The following BMPER variants were observed in gnomAD, a reference collection of about 807,000 sequenced individuals.
BMPER encodes the protein BMP-binding endothelial regulator protein.
BMPER carries 45 observed loss-of-function variants against 87.3 expected under a neutral mutation model. The observed-to-expected ratio is 0.52, with a 90% confidence interval of 0.41 to 0.66. BMPER has a LOEUF of 0.66. Among genes scored for constraint, BMPER ranks in the 30% least tolerant of loss-of-function variants. The pLI, the probability that BMPER is intolerant of heterozygous loss-of-function variation, is 0.00. For missense variants in BMPER, 784 were observed against 867.5 expected (o/e 0.90, Z 1.21); for synonymous variants, 326 against 316.2 (o/e 1.03, Z -0.33).
chr7:34,141,266 A>G (rs978676039), intron 13 of BMPER, among the ~76,000 whole-genome samples: 1 of 152,068 alleles, frequency 6.6e-6, no homozygotes, highest in African/African-American at 2.4e-5. Context: ...TTTGCTAGTG[A>G]AGGTGATTTC....
intron 12 of BMPER, among the ~76,000 whole-genome samples, chr7:34,082,825 A>G (rs1789089922): frequency 6.6e-6 from 1 of 152,222 alleles, no homozygotes; most frequent in Non-Finnish European, 1.5e-5. Flanking sequence ...TGTGGTACTT[A>G]GAAGAACAGT....
At chr7:33,920,337 T>G (rs2128604266) in intron 2 of BMPER, among the ~76,000 whole-genome samples, 2 of 151,568 alleles carry the variant, frequency 1.3e-5, no homozygotes, top group Middle Eastern at 6.9e-3. Context: ...GGCTAAAAAA[T>G]GCAGATTTCC....
At chr7:34,070,959 T>G (rs1352907700) in intron 11 of BMPER, among the ~76,000 whole-genome samples, 1 of 152,032 alleles carries the variant, frequency 6.6e-6, no homozygotes, top group Non-Finnish European at 1.5e-5. Context: ...CTCAGGCCAA[T>G]TTATTTAGAC....
Position 33,966,542 on chromosome 7 carries a change from G to C in BMPER, c.383G>C (p.Cys128Ser). ...AAATGGCAGAGCCCGGCTGAGCCTT[G>C]TGTTCTACGCCAGTGCCAGGTAAAG... ...SFKWQSPAEPCVLRQCQEGVV... is the reference protein window; with the variant it reads ...SFKWQSPAEPSVLRQCQEGVV... Residue 128 changes from cysteine to serine, a missense_variant, in exon 4 of 15, where the codon TGT becomes TCT. Physicochemically the swap from Cys to Ser is moderately radical, Grantham distance 112 (BLOSUM62 -1). Transcript: ENST00000649409. 1 of 1,613,774 alleles carries C rather than the reference G, an allele frequency of 6.2e-7. No homozygotes were observed. The highest frequency in any genetic ancestry group is 8.5e-7 in the Non-Finnish European group (1 of 1,179,744).
chr7:34,022,193 A>C (rs1430463435), intron 6 of BMPER, among the ~76,000 whole-genome samples: 1 of 152,028 alleles, frequency 6.6e-6, no homozygotes, highest in African/African-American at 2.4e-5. Flanking sequence ...AAGCTGCTTT[A>C]ATTTGGAAAA....
chr7:33,968,386 C>T (rs1785457177), intron 4 of BMPER, among the ~76,000 whole-genome samples: 1 of 152,176 alleles, frequency 6.6e-6, no homozygotes, highest in Non-Finnish European at 1.5e-5. Context: ...TCTTGGAATG[C>T]AGGAAATTAC....
intron 2 of BMPER, among the ~76,000 whole-genome samples, chr7:33,920,011 T>G (rs1784180715): frequency 6.6e-6 from 1 of 152,148 alleles, no homozygotes; most frequent in African/African-American, 2.4e-5. Flanking sequence ...CCTCTATCAT[T>G]AGAATCTTAG....
At chr7:33,913,960 A>ATTTT (rs59183615) in intron 2 of BMPER, among the ~76,000 whole-genome samples, 1 of 134,298 alleles carries the variant, frequency 7.4e-6, no homozygotes, top group Non-Finnish European at 1.6e-5. Flanking sequence ...TTTTAGCACA[A>ATTTT]TTTTTTTTTT....
intron 6 of BMPER, among the ~76,000 whole-genome samples, chr7:34,015,376 G>A (rs537899441): frequency 6.6e-5 from 10 of 152,048 alleles, no homozygotes; most frequent in African/African-American, 1.9e-4. Flanking sequence ...AACCTAATAC[G>A]AAGTAAAATG....
At chr7:34,025,250 T>C (rs1369619482) in intron 6 of BMPER, among the ~76,000 whole-genome samples, 4 of 152,106 alleles carry the variant, frequency 2.6e-5, no homozygotes, top group Admixed American at 2.6e-4. Context: ...TTAAATGATA[T>C]CTGAATTGCT....
chr7:33,990,556 T>C (rs1310720749), intron 6 of BMPER, among the ~76,000 whole-genome samples: 4 of 151,386 alleles, frequency 2.6e-5, no homozygotes, highest in Admixed American at 1.3e-4. Flanking sequence ...TCATGTCATC[T>C]GCAAACAGGG....
intron 4 of BMPER, among the ~76,000 whole-genome samples, chr7:33,968,435 C>T (rs1011193686): frequency 3.3e-5 from 5 of 152,186 alleles, no homozygotes; most frequent in Non-Finnish European, 5.9e-5. Context: ...TCTTGCTTCT[C>T]TGCAGAATGG....
intron 13 of BMPER, among the ~76,000 whole-genome samples, chr7:34,112,088 G>T (rs1370068311): frequency 6.6e-6 from 1 of 152,118 alleles, no homozygotes; most frequent in East Asian, 1.9e-4. Context: ...TAAAATTTTA[G>T]GGGAGTTTAC....
In BMPER at chr7:33,970,432, G is replaced by A. The variant is rs1391292891; in HGVS notation, c.493+13G>A. On this transcript the variant is annotated intron_variant, in intron 5 of 14. Transcript: ENST00000649409. ...CCCACATGTCCAGGTAACGTTCTCA[G>A]GAAGGGGAGGCTGGAAATCTCTGTG... 1 of 1,610,828 alleles carries A rather than the reference G, an allele frequency of 6.2e-7. No individual in the cohort carries two copies. Among genetic ancestry groups the A allele is most frequent in the Non-Finnish European group, 8.5e-7 (1 of 1,177,026 alleles).
Position 34,046,287 on chromosome 7 carries a change from T to A in BMPER, c.577-19T>A. ...CACTTACTTTTCTAAATATGCTTTT[T>A]TTTTCTCTCTTTTCTTAGGGAGGCA... is the stretch of plus-strand genomic sequence containing the variant. On this transcript the variant is annotated intron_variant, in intron 6 of 14. Coordinates refer to ENST00000649409, the MANE Select transcript of BMPER (RefSeq NM_001365308.1). 1.2e-6 allele frequency: 2 copies of A among 1,608,320 alleles called. No individual in the cohort carries two copies. The highest frequency in any genetic ancestry group is 2.2e-5 in the South Asian group (2 of 90,954).
At position 34,129,614 on chromosome 7, in the gene BMPER, GAGAGAGAGAGAAAGAGAGAAAGAAAGAA is replaced by G. The variant is rs1790510186; in HGVS notation, c.1746-13612_1746-13585del. On this transcript the variant is annotated intron_variant, in intron 13 of 14. Transcript: ENST00000649409. ...AGAGAGAGAGAGAGAGAGAGAAAGA[GAGAGAGAGAGAAAGAGAGAAAGAAAGAA>G]AGAAAGAAAGAAAGAAAGAAAGAAA... 4.7e-4 allele frequency among the ~76,000 whole-genome samples: 23 copies of G among 48,850 alleles called. No individual in the cohort carries two copies. The South Asian group carries it at 0.016, about 35-fold the overall frequency. The allele number at this position is 48,850 out of a possible 152,430, so 32.0% of individuals were successfully genotyped here. A position where few individuals can be genotyped will look rare whatever the true frequency, so the allele number is the denominator to read the frequency against.
intron 2 of BMPER, among the ~76,000 whole-genome samples, chr7:33,934,651 G>T (rs1033576278): frequency 6.6e-6 from 1 of 152,162 alleles, no homozygotes; most frequent in Admixed American, 6.5e-5. Context: ...TGGCTCCCAG[G>T]TTTCTAAGTC....
intron 6 of BMPER, among the ~76,000 whole-genome samples, chr7:33,993,798 G>C (rs974888263): frequency 6.6e-6 from 1 of 152,138 alleles, no homozygotes; most frequent in Admixed American, 6.5e-5. Context: ...ATGGGTTTTT[G>C]GTATGGATGT....
intron 14 of BMPER, among the ~76,000 whole-genome samples, chr7:34,146,136 G>T (rs1015287597): frequency 1.3e-5 from 2 of 152,016 alleles, no homozygotes; most frequent in Non-Finnish European, 2.9e-5. Flanking sequence ...CAGATCTGTA[G>T]CATCTCTCAG....
Sources: gnomAD v4.1 joint callset for allele counts (sites outside exome capture counted in the v4.1 genomes callset) on GRCh38, gnomAD v4.1.1 for gene constraint, MANE v1.5 for transcripts, NCBI Gene and HGNC (gene_info 2026-07-23, HGNC 2026-07-21) for gene names.